Variants in CFLAR observed in about 807,000 individuals in gnomAD.
CFLAR encodes the protein CASP8 and FADD like apoptosis regulator, also known as CASP8 and FADD-like apoptosis regulator.
A neutral mutation model predicts 51.1 loss-of-function variants in CFLAR; 14 were observed. The observed-to-expected ratio is 0.27, with a 90% CI of 0.18 to 0.43. The LOEUF (loss-of-function observed/expected upper bound fraction) is 0.43. Among genes scored for constraint, CFLAR ranks in the 20% least tolerant of loss-of-function variants. The pLI is 1.00. For synonymous variants in CFLAR, 210 were observed against 211.6 expected, an observed-to-expected ratio of 0.99 and a Z score of 0.06; for missense variants, 390 against 566.5, an observed-to-expected ratio of 0.69 and a Z score of 3.16.
chr2:201,144,535 G>GT (rs1358579371), intron 5 of CFLAR, among the ~76,000 whole-genome samples: 5 of 152,174 alleles, frequency 3.3e-5, no homozygotes, highest in Admixed American at 1.3e-4. Flanking sequence ...AATCTGTAAG[G>GT]TATCTATTAT....
At chr2:201,133,302 T>C (rs1473586278) in intron 3 of CFLAR, among the ~76,000 whole-genome samples, 168 bp downstream of exon 3, 1 of 152,218 alleles carries the variant, frequency 6.6e-6, no homozygotes, top group African/African-American at 2.4e-5. Context: ...GGTTTATGAA[T>C]TGAAGAAATA....
intron 3 of CFLAR, among the ~76,000 whole-genome samples, chr2:201,135,733 C>G (rs755277403): frequency 6.6e-6 from 1 of 152,070 alleles, no homozygotes; most frequent in Non-Finnish European, 1.5e-5. Context: ...TCAAGTGATC[C>G]TCCACCTCTG....
At chr2:201,137,800 C>T in intron 4 of CFLAR, 1 of 1,189,700 alleles carries the variant, frequency 8.4e-7, no homozygotes, top group Non-Finnish European at 1.2e-6. Context: ...CTGCTCTTCT[C>T]CATGGCATCC....
chr2:201,127,137 A>G (rs992333361), intron 1 of CFLAR, among the ~76,000 whole-genome samples: 30 of 152,128 alleles, frequency 2.0e-4, no homozygotes, highest in Non-Finnish European at 4.0e-4. Context: ...TGCTGAAAAC[A>G]CTTGGGGGGA....
chr2:201,138,505 G>C lies in CFLAR; in HGVS notation c.524-1852G>C, dbSNP rs561545004. On this transcript the variant is annotated intron_variant, in intron 4 of 9. Transcript: ENST00000309955. The surrounding 1 kb of genome is among the most constrained non-coding windows in gnomAD (Gnocchi z 4.0). ...CCTCACACTGCTGGAGCCACCACTAGCTTGATCCTTGGCATCATCACCTCA... is the reference window on the plus strand; with the variant it reads ...CCTCACACTGCTGGAGCCACCACTACCTTGATCCTTGGCATCATCACCTCA... 4 of 1,345,784 alleles carry C rather than the reference G, an allele frequency of 3.0e-6. No individual in the cohort carries two copies. The African/African-American group carries it at 5.7e-5, about 19-fold the overall frequency. 83.4% of individuals were successfully genotyped at this position (1,345,784 alleles called of 1,614,324 possible).
At chr2:201,149,911 T>A in intron 8 of CFLAR, 76 bp downstream of exon 8, 1 of 1,105,980 alleles carries the variant, frequency 9.0e-7, no homozygotes, top group Non-Finnish European at 1.4e-6. Context: ...TTCATTGGAG[T>A]GATCAGCACC....
rs2050379178 is a variant in CFLAR, at chr2:201,138,048, G to A, written c.523+1941G>A. On this transcript the variant is annotated intron_variant, in intron 4 of 9. Coordinates refer to ENST00000309955, the MANE Select transcript of CFLAR (RefSeq NM_003879.7). This position sits in a 1 kb window ranked among gnomAD's most constrained non-coding sequence, Gnocchi z 4.0. The stretch of plus-strand genomic sequence containing the variant: ...AGCAGTGCCCTGGGGCTGACTGCAG[G>A]CTATCACTTCCTGGTTGATGTAGAT... 8.3e-6 allele frequency: 6 copies of A among 723,780 alleles called. No individual in the cohort carries two copies. In the South Asian group the frequency reaches 8.6e-5, roughly 10 times the overall value. The allele number at this position is 723,780 out of a possible 1,614,324, so 44.8% of individuals were successfully genotyped here.
rs1356804997 is a variant in CFLAR, at chr2:201,176,017, G to GA, written c.*12046dup. 1.3e-5 allele frequency: 2 copies of GA among 152,320 alleles called. No homozygotes were observed. The highest frequency in any genetic ancestry group is 1.3e-4 in the Admixed American group (2 of 15,268). 9.4% of individuals were successfully genotyped at this position (152,320 alleles called of 1,614,324 possible). A position where few individuals can be genotyped will look rare whatever the true frequency, so the allele number is the denominator to read the frequency against. On this transcript the variant is annotated 3_prime_UTR_variant, in exon 10 of 10. Transcript: ENST00000309955. ...AGCTACTCGGGAGGCTGAGGCAGGC[G>GA]AATCAGTTGAACCTGGGAGGCGGAG...
At chr2:201,150,954 G>A (rs13426823) in intron 8 of CFLAR, 29,549 of 152,098 alleles carry the variant, frequency 0.19, 3,311 homozygotes, top group African/African-American at 0.3. Flanking sequence ...AAGCAGGGAG[G>A]AGTCCTGGAA....
chr2:201,123,333 A>AG (rs1375946601), intron 1 of CFLAR, among the ~76,000 whole-genome samples: 1 of 152,196 alleles, frequency 6.6e-6, no homozygotes, highest in African/African-American at 2.4e-5. Context: ...AAATACCCAC[A>AG]ACCAGGTAAT....
At chr2:201,131,642 G>C (rs767681979) in intron 2 of CFLAR, among the ~76,000 whole-genome samples, 30 of 152,176 alleles carry the variant, frequency 2.0e-4, no homozygotes, top group Non-Finnish European at 3.4e-4. Context: ...AGCAGTGTGG[G>C]CTTTGGAAAG....
Position 201,124,209 on chromosome 2 carries a change from G to A in CFLAR, c.-137-5520G>A, listed in dbSNP as rs977423473. ...TGTTACCAGATAGTTTGGGGGCAGC[G>A]TTGGTGTTCTGTGAGAAAGGTTGAG... is the stretch of plus-strand genomic sequence containing the variant. On this transcript the variant is annotated intron_variant, in intron 1 of 9. Transcript: ENST00000309955. The surrounding 1 kb of genome is among the most constrained non-coding windows in gnomAD (Gnocchi z 4.7). Among the ~76,000 whole-genome samples the A allele has an allele frequency of 1.3e-5, 2 of 152,196 alleles. No homozygotes were observed. Among genetic ancestry groups the A allele is most frequent in the Admixed American group, 6.5e-5 (1 of 15,282 alleles).
At chr2:201,136,134 T>G (rs988073070) in intron 4 of CFLAR, 27 bp downstream of exon 4, 3 of 1,612,560 alleles carry the variant, frequency 1.9e-6, no homozygotes, top group African/African-American at 2.7e-5. Context: ...CTCAGTGGTC[T>G]AGGGGAAGTA....
At position 201,165,431 on chromosome 2, in the gene CFLAR, C is replaced by T. The variant is rs1231896238; in HGVS notation, c.*1458C>T. On this transcript the variant is annotated 3_prime_UTR_variant, in exon 10 of 10. Transcript: ENST00000309955. ...GATTACAGGCTCCTGCCACCACACCCGGCTAATTTTTGTATTTTTAGTGGA... is the reference window on the plus strand; with the variant it reads ...GATTACAGGCTCCTGCCACCACACCTGGCTAATTTTTGTATTTTTAGTGGA... 2 of 151,806 alleles carry T rather than the reference C, an allele frequency of 1.3e-5. No homozygotes were observed. The highest frequency in any genetic ancestry group is 1.9e-4 in the East Asian group (1 of 5,188). 9.4% of individuals were successfully genotyped at this position (151,806 alleles called of 1,614,324 possible). A position where few individuals can be genotyped will look rare whatever the true frequency, so the allele number is the denominator to read the frequency against.
chr2:201,150,595 T>C (rs562875766), intron 8 of CFLAR: 1 of 146,082 alleles, frequency 6.8e-6, no homozygotes, highest in South Asian at 2.2e-4. Flanking sequence ...GGGAGCTTTG[T>C]TCATGTGGCT....
intron 8 of CFLAR, chr2:201,150,607 T>A (rs1941125772): frequency 6.6e-6 from 1 of 152,202 alleles, no homozygotes; most frequent in Non-Finnish European, 1.5e-5. Flanking sequence ...CATGTGGCTA[T>A]TCAGTGGCTC....
intron 8 of CFLAR, chr2:201,154,293 G>A (rs1941795493): frequency 6.0e-6 from 1 of 166,718 alleles, no homozygotes; most frequent in Non-Finnish European, 1.3e-5. Flanking sequence ...GTTTCACCAT[G>A]TCGGCCAGGC....
rs539042880 is a variant in CFLAR, at chr2:201,175,172, C to G, written c.*11199C>G. 1 of 152,334 alleles carries G rather than the reference C, an allele frequency of 6.6e-6. No homozygotes were observed. The highest frequency in any genetic ancestry group is 2.1e-4 in the South Asian group (1 of 4,830). The allele number at this position is 152,334 out of a possible 1,614,324, so 9.4% of individuals were successfully genotyped here. ...GCCAGTCAGCAGCCCATCAGGGCTACTCTTCCTATGGGGTAGCCATTCTTT... is the reference window on the plus strand; with the variant it reads ...GCCAGTCAGCAGCCCATCAGGGCTAGTCTTCCTATGGGGTAGCCATTCTTT... On this transcript the variant is annotated 3_prime_UTR_variant, in exon 10 of 10. Transcript: ENST00000309955.
At chr2:201,155,266 G>GT (rs879559939) in intron 8 of CFLAR, among the ~76,000 whole-genome samples, 3,058 of 144,978 alleles carry the variant, frequency 0.021, 63 homozygotes, top group African/African-American at 0.059. Context: ...TTAAGAGGAA[G>GT]TTTTTTTTTT....
Sources: gnomAD v4.1 joint callset for allele counts (sites outside exome capture counted in the v4.1 genomes callset) on GRCh38, gnomAD v4.1.1 for gene constraint, Gnocchi (gnomAD v3.1) non-coding constraint, MANE v1.5 for transcripts, NCBI Gene and HGNC (gene_info 2026-07-23, HGNC 2026-07-21) for gene names.